JAKMIP2: variants seen among roughly 807,000 people sequenced by gnomAD.
The protein encoded by JAKMIP2 is janus kinase and microtubule-interacting protein 2.
A neutral mutation model predicts 115.0 loss-of-function variants in JAKMIP2; 25 were observed. The observed-to-expected ratio is 0.22, with a 90% CI of 0.16 to 0.30. The LOEUF (loss-of-function observed/expected upper bound fraction) is 0.30, where lower values mean the gene tolerates loss of function less well. JAKMIP2 is among the 10% of genes least tolerant of loss of function. The pLI is 1.00. For synonymous variants in JAKMIP2, 334 were observed against 343.6 expected (o/e 0.97, Z 0.31); for missense variants, 642 against 957.6 (o/e 0.67, Z 4.35).
intron 3 of JAKMIP2, among the ~76,000 whole-genome samples, chr5:147,653,964 G>C (rs1413944897): frequency 1.3e-5 from 2 of 152,190 alleles, no homozygotes; most frequent in African/African-American, 4.8e-5. Flanking sequence ...GTATTAAGTA[G>C]GGAATCCTTT....
chr5:147,713,061 T>C (rs974906908), intron 1 of JAKMIP2, among the ~76,000 whole-genome samples: 3 of 152,168 alleles, frequency 2.0e-5, no homozygotes, highest in Non-Finnish European at 4.4e-5. Context: ...ATAAGCCACA[T>C]CCTGAATATT....
chr5:147,781,267 G>T (rs943818789), intron 1 of JAKMIP2, among the ~76,000 whole-genome samples: 4 of 151,842 alleles, frequency 2.6e-5, no homozygotes, highest in African/African-American at 9.7e-5. Flanking sequence ...TACAGAAGGA[G>T]ACCCTTAATA....
chr5:147,724,634 C>T (rs61473108), intron 1 of JAKMIP2, among the ~76,000 whole-genome samples: 20,119 of 152,052 alleles, frequency 0.13, 1,946 homozygotes, highest in East Asian at 0.36. Context: ...TAATAGGAGG[C>T]TCAGCTCAAA....
At chr5:147,740,371 C>G (rs1754098321) in intron 1 of JAKMIP2, among the ~76,000 whole-genome samples, 1 of 152,214 alleles carries the variant, frequency 6.6e-6, no homozygotes, top group Non-Finnish European at 1.5e-5. Context: ...TATCAGCACA[C>G]TGTGAAGCCA....
At chr5:147,624,665 C>T (rs55899454) in intron 16 of JAKMIP2, among the ~76,000 whole-genome samples, 16,281 of 152,112 alleles carry the variant, frequency 0.11, 1,085 homozygotes, top group East Asian at 0.2. Context: ...CTACCATATA[C>T]AGGTTTTTAT....
Position 147,623,581 on chromosome 5 carries a change from A to G in JAKMIP2, c.2064+40T>C, listed in dbSNP as rs778830760. On this transcript the variant is annotated intron_variant, in intron 17 of 21. Transcript: ENST00000616793. ...ACTTTAATTTTCCATTTGCCTTGTA[A>G]GTTTTTCTTAATTTTTACAATATCT... 11 of 1,353,040 alleles carry G rather than the reference A, an allele frequency of 8.1e-6. No homozygotes were observed. The African/African-American group carries it at 1.4e-4, about 18-fold the overall frequency. 83.8% of individuals were successfully genotyped at this position (1,353,040 alleles called of 1,614,324 possible). A position where few individuals can be genotyped will look rare whatever the true frequency, so the allele number is the denominator to read the frequency against.
chr5:147,698,545 G>A (rs530007229), intron 1 of JAKMIP2, among the ~76,000 whole-genome samples: 4 of 152,258 alleles, frequency 2.6e-5, no homozygotes, highest in East Asian at 3.9e-4. Flanking sequence ...GTTGTGGGAC[G>A]GACCCAGTGG....
At chr5:147,699,108 T>C (rs1391750983) in intron 1 of JAKMIP2, among the ~76,000 whole-genome samples, 1 of 152,166 alleles carries the variant, frequency 6.6e-6, no homozygotes, top group Admixed American at 6.5e-5. Flanking sequence ...AAAGAGAAAA[T>C]ATACACCCAT....
intron 12 of JAKMIP2, among the ~76,000 whole-genome samples, chr5:147,634,599 TCA>T (rs1757522173): frequency 6.6e-6 from 1 of 152,194 alleles, no homozygotes; most frequent in Admixed American, 6.5e-5. Context: ...GATCAGTGGT[TCA>T]CAGACTGTAA....
chr5:147,617,895 G>A lies in JAKMIP2; in HGVS notation c.2346+16C>T. 1.2e-6 allele frequency: 2 copies of A among 1,609,612 alleles called. No homozygotes were observed. Among genetic ancestry groups the A allele is most frequent in the Non-Finnish European group, 1.7e-6 (2 of 1,175,892 alleles). Reference sequence around the variant, plus strand: ...CTAGTACTAACCCTACGCAGAGGCAGTGACTCAGTCCTCACCTGATGGGCT... The same window carrying A: ...CTAGTACTAACCCTACGCAGAGGCAATGACTCAGTCCTCACCTGATGGGCT... On this transcript the variant is annotated intron_variant, in intron 19 of 21. Coordinates refer to ENST00000616793, the MANE Select transcript of JAKMIP2 (RefSeq NM_001270941.2).
intron 1 of JAKMIP2, among the ~76,000 whole-genome samples, chr5:147,712,272 A>G (rs1752811497): frequency 6.6e-6 from 1 of 151,952 alleles, no homozygotes; most frequent in South Asian, 2.2e-4. Flanking sequence ...CAAGGTTCAC[A>G]TGGGAGTTCG....
intron 1 of JAKMIP2, among the ~76,000 whole-genome samples, chr5:147,685,023 C>T (rs1267006291): frequency 6.6e-6 from 1 of 152,168 alleles, no homozygotes. Context: ...AATTTTTGTG[C>T]ATCCTTCCAT....
At chr5:147,674,384 G>A (rs1020293884) in intron 1 of JAKMIP2, among the ~76,000 whole-genome samples, 2 of 152,164 alleles carry the variant, frequency 1.3e-5, no homozygotes, top group African/African-American at 4.8e-5. Context: ...TCCCTTCATT[G>A]TTGTCTTCTT....
intron 1 of JAKMIP2, among the ~76,000 whole-genome samples, chr5:147,759,934 G>A (rs973281172): frequency 6.6e-6 from 1 of 152,028 alleles, no homozygotes; most frequent in Non-Finnish European, 1.5e-5. Context: ...GCCCTACATG[G>A]GAAGGTGGCA....
At chr5:147,764,970 G>A (rs1580895872) in intron 1 of JAKMIP2, among the ~76,000 whole-genome samples, 1 of 44,388 alleles carries the variant, frequency 2.3e-5, no homozygotes, top group East Asian at 1.1e-3. Flanking sequence ...GAGAGAGGGG[G>A]AGAGAGAGAG....
Position 147,650,403 on chromosome 5 carries a change from T to G in JAKMIP2, c.772A>C (p.Met258Leu), listed in dbSNP as rs143468749. 3.1e-6 allele frequency: 5 copies of G among 1,613,836 alleles called. No homozygotes were observed. In the African/African-American group the frequency reaches 6.7e-5, roughly 22 times the overall value. The change falls in exon 4 of 22, where the codon ATG (methionine) becomes CTG (leucine). Residue 258 changes from methionine (M) to leucine (L), a missense_variant. Met to Leu is a conservative substitution (Grantham distance 15, BLOSUM62 2). Around this residue, in one of 6 missense-constraint regions of JAKMIP2, gnomAD observed 439 missense variants for 570.9 expected, o/e 0.77. Transcript: ENST00000616793. The stretch of plus-strand genomic sequence containing the variant: ...GGAATTTCTCGTTTTGGGCTGCTCA[T>G]GTTGCACTCAGCCTCCTTGACCAGA... ...LFLVKEAECN[M>L]SSPKREIPGR...
chr5:147,704,255 G>A (rs142242790), intron 1 of JAKMIP2, among the ~76,000 whole-genome samples: 1 of 152,214 alleles, frequency 6.6e-6, no homozygotes, highest in East Asian at 1.9e-4. Flanking sequence ...CATTATATGT[G>A]ATATACTTTT....
intron 1 of JAKMIP2, among the ~76,000 whole-genome samples, chr5:147,754,260 T>C (rs1221554914): frequency 1.3e-5 from 2 of 152,196 alleles, no homozygotes; most frequent in Admixed American, 6.5e-5. Flanking sequence ...ATGTTTGAAG[T>C]GTCCAACAAA....
intron 1 of JAKMIP2, among the ~76,000 whole-genome samples, chr5:147,693,300 G>A (rs543840858): frequency 3.3e-5 from 5 of 152,228 alleles, no homozygotes; most frequent in African/African-American, 1.2e-4. Context: ...TAGTTGTTTG[G>A]ATGCATCTAA....
Sources: gnomAD v4.1 joint callset for allele counts (sites outside exome capture counted in the v4.1 genomes callset) on GRCh38, gnomAD v4.1.1 for gene constraint, gnomAD v4.1.1 regional missense constraint, MANE v1.5 for transcripts, NCBI Gene and HGNC (gene_info 2026-07-23, HGNC 2026-07-21) for gene names.